GRB10: variants seen among roughly 807,000 people sequenced by gnomAD.
GRB10 encodes growth factor receptor bound protein 10.
A neutral mutation model predicts 80.9 loss-of-function variants in GRB10; 20 were observed. The observed-to-expected ratio is 0.25, with a 90% confidence interval of 0.17 to 0.36. The LOEUF (loss-of-function observed/expected upper bound fraction) is 0.36. GRB10 is among the 10% of genes least tolerant of loss of function. The pLI, the probability that GRB10 is intolerant of heterozygous loss-of-function variation, is 1.00. For synonymous variants in GRB10, 291 were observed against 291.5 expected, an observed-to-expected ratio of 1.00 and a Z score of 0.02; for missense variants, 548 against 747.7, an observed-to-expected ratio of 0.73 and a Z score of 3.12.
Position 50,606,414 on chromosome 7 carries a change from A to T in GRB10, c.1195T>A (p.Tyr399Asn). The part of the protein sequence containing the change: ...CWMTAFRLLK[Y>N]GMLLYQNYRI... ...TAATTCTGGTAAAGGAGCATTCCAT[A>T]CTGGAGAGGAGAAGCCACAGTTAGT... Residue 399 changes from tyrosine (Y) to asparagine (N), a missense_variant and splice_region_variant, in exon 14 of 19, where the codon TAT becomes AAT. By Grantham distance (143) the Tyr-to-Asn change is moderately radical. Around this residue, in one of 4 missense-constraint regions of GRB10, gnomAD observed 270 missense variants for 433.6 expected, o/e 0.62. Transcript: ENST00000401949. 6.2e-7 allele frequency: 1 copy of T among 1,613,204 alleles called. No homozygotes were observed. The highest frequency in any genetic ancestry group is 8.5e-7 in the Non-Finnish European group (1 of 1,179,174).
chr7:50,732,367 AC>A lies in GRB10; in HGVS notation c.-46del. 1 of 1,552,958 alleles carries A rather than the reference AC, an allele frequency of 6.4e-7. No homozygotes were observed. Among genetic ancestry groups the A allele is most frequent in the Non-Finnish European group, 8.9e-7 (1 of 1,124,350 alleles). ...CAAATTACATTTACTGCGCTGCAGC[AC>A]CTGGAATAAAGACAGACTGTGAGAA... On this transcript the variant is annotated splice_region_variant and 5_prime_UTR_variant, in exon 4 of 19. Coordinates refer to ENST00000401949, the MANE Select transcript of GRB10 (RefSeq NM_001350814.2).
chr7:50,648,487 T>C (rs915575827), intron 7 of GRB10, among the ~76,000 whole-genome samples: 1 of 152,156 alleles, frequency 6.6e-6, no homozygotes, highest in African/African-American at 2.4e-5. Flanking sequence ...ACCACTGCCT[T>C]AATCTGTGAG....
intron 4 of GRB10, among the ~76,000 whole-genome samples, chr7:50,727,637 T>C (rs777990970): frequency 6.6e-5 from 10 of 152,130 alleles, no homozygotes; most frequent in Non-Finnish European, 1.0e-4. Flanking sequence ...CCAAACCAAA[T>C]GCCATCTATT....
At chr7:50,773,219 CCT>C (rs2153710031) in intron 2 of GRB10, among the ~76,000 whole-genome samples, 1 of 152,010 alleles carries the variant, frequency 6.6e-6, no homozygotes, top group South Asian at 2.1e-4. Context: ...GATTCAATTA[CCT>C]CCCACCAGGT....
chr7:50,786,227 T>TA (rs1251710207), upstream of GRB10, among the ~76,000 whole-genome samples: 2 of 152,008 alleles, frequency 1.3e-5, no homozygotes, highest in African/African-American at 4.8e-5. Context: ...GACTATTAGA[T>TA]AAAAAATACA....
At chr7:50,725,686 A>G (rs2068535927) in intron 4 of GRB10, among the ~76,000 whole-genome samples, 1 of 152,230 alleles carries the variant, frequency 6.6e-6, no homozygotes, top group South Asian at 2.1e-4. Context: ...AAGAACACAA[A>G]TATTTCTGTG....
chr7:50,602,211 A>G (rs777376689), intron 17 of GRB10, among the ~76,000 whole-genome samples: 1 of 152,248 alleles, frequency 6.6e-6, no homozygotes, highest in Non-Finnish European at 1.5e-5. Flanking sequence ...CAGCTCATAT[A>G]GGAAGGAATT....
At chr7:50,697,287 G>T (rs2063556029) in intron 5 of GRB10, among the ~76,000 whole-genome samples, 1 of 152,126 alleles carries the variant, frequency 6.6e-6, no homozygotes, top group African/African-American at 2.4e-5. Context: ...CGACTAAAAT[G>T]GTTAATTTTG....
chr7:50,671,442 T>C (rs1388889851), intron 6 of GRB10, among the ~76,000 whole-genome samples: 1 of 152,226 alleles, frequency 6.6e-6, no homozygotes, highest in African/African-American at 2.4e-5. Flanking sequence ...AAGATCCAGC[T>C]AACTATCCCA....
chr7:50,620,869 C>A (rs1180743107), intron 8 of GRB10, among the ~76,000 whole-genome samples: 4 of 152,186 alleles, frequency 2.6e-5, no homozygotes, highest in Non-Finnish European at 4.4e-5. Context: ...AATGTTTATT[C>A]AGAGAAAAAT....
intron 7 of GRB10, among the ~76,000 whole-genome samples, chr7:50,668,360 G>C (rs2060022051): frequency 1.1e-5 from 1 of 90,212 alleles, no homozygotes; most frequent in African/African-American, 5.0e-5. Flanking sequence ...TCAAGTAGAA[G>C]GGCAAAATGA....
chr7:50,619,041 C>T, intron 9 of GRB10, 129 bp downstream of exon 9: 1 of 696,040 alleles, frequency 1.4e-6, no homozygotes, highest in South Asian at 1.5e-5. Flanking sequence ...TAAACTACAA[C>T]TCTGATTCTC....
chr7:50,721,487 G>A (rs2067732671), intron 4 of GRB10, among the ~76,000 whole-genome samples: 1 of 152,234 alleles, frequency 6.6e-6, no homozygotes, highest in Non-Finnish European at 1.5e-5. Context: ...AAAGTGAAGA[G>A]GAACAATGCT....
At chr7:50,598,713 G>A (rs73129088) in intron 17 of GRB10, among the ~76,000 whole-genome samples, 12,545 of 152,242 alleles carry the variant, frequency 0.082, 785 homozygotes, top group South Asian at 0.14. Flanking sequence ...AAAAGCAGAC[G>A]AAAAGTGAAA....
At chr7:50,604,972 G>C (rs2048274643) in intron 15 of GRB10, 1 of 382,464 alleles carries the variant, frequency 2.6e-6, no homozygotes, top group Non-Finnish European at 4.8e-6. Flanking sequence ...CCTGGGCTCT[G>C]TGCACTCCAC....
At chr7:50,774,270 T>C (rs1588062009) in intron 2 of GRB10, among the ~76,000 whole-genome samples, 1 of 152,200 alleles carries the variant, frequency 6.6e-6, no homozygotes, top group East Asian at 1.9e-4. Flanking sequence ...GTTCTAAAAT[T>C]GACTATGGTG....
intron 3 of GRB10, among the ~76,000 whole-genome samples, chr7:50,733,485 G>C (rs1365207647): frequency 1.3e-5 from 2 of 152,204 alleles, no homozygotes; most frequent in South Asian, 2.1e-4. Flanking sequence ...CATGTTTTCT[G>C]CAAGAGTTTC....
intron 7 of GRB10, among the ~76,000 whole-genome samples, chr7:50,669,086 C>T (rs1486020785): frequency 1.3e-5 from 2 of 152,228 alleles, no homozygotes; most frequent in African/African-American, 4.8e-5. Flanking sequence ...AGCATTTTCA[C>T]ACCTATTATT....
chr7:50,619,163 G>A lies in GRB10; in HGVS notation c.777+7C>T, dbSNP rs1325118373. 1.3e-6 allele frequency: 2 copies of A among 1,500,594 alleles called. No individual in the cohort carries two copies. Among genetic ancestry groups the A allele is most frequent in the African/African-American group, 1.4e-5 (1 of 72,884 alleles). 93.0% of individuals were successfully genotyped at this position (1,500,594 alleles called of 1,614,324 possible). On this transcript the variant is annotated splice_region_variant and intron_variant, in intron 9 of 18. Transcript: ENST00000401949. ...CCAAACCCCAAACCTGAAGAGGTAA[G>A]ACTCACCATGGGATTTTTAAAGAAC...
Sources: allele counts gnomAD v4.1 joint callset (sites outside exome capture counted in the v4.1 genomes callset), GRCh38; gene constraint gnomAD v4.1.1; regional missense constraint gnomAD v4.1.1; transcripts MANE v1.5; gene names NCBI Gene and HGNC (gene_info 2026-07-23, HGNC 2026-07-21).